Variants in SYCE2 observed in about 807,000 individuals in gnomAD.
SYCE2 encodes central element synaptonemal complex 1.
Under a neutral mutation model 27.9 loss-of-function variants are expected in SYCE2, and 3 were observed. The observed-to-expected ratio is 0.11, with a 90% CI of 0.05 to 0.28. SYCE2 has a LOEUF of 0.28. Ranked by LOEUF, SYCE2 falls within the 10% of genes least tolerant of loss-of-function variation. The probability of loss-of-function intolerance (pLI) is 1.00; values close to 1 mark genes in which losing one functional copy is unlikely to be tolerated. For missense variants in SYCE2, 207 were observed against 263.5 expected, an observed-to-expected ratio of 0.79 and a Z score of 1.48; for synonymous variants, 85 against 100.7, an observed-to-expected ratio of 0.84 and a Z score of 0.93.
At chr19:12,909,628 G>A (rs1006447678) in intron 2 of SYCE2, among the ~76,000 whole-genome samples, 1 of 151,720 alleles carries the variant, frequency 6.6e-6, no homozygotes, top group Admixed American at 6.6e-5. Flanking sequence ...GTGCAATGGC[G>A]CGATCTCGGC....
chr19:12,919,197 T>G, intron 1 of SYCE2, 46 bp downstream of exon 1: 3 of 1,606,974 alleles, frequency 1.9e-6, no homozygotes, highest in African/African-American at 1.3e-5. Context: ...TCCCTGCCTA[T>G]CTGTCCGCCC....
chr19:12,899,756 C>T (rs776377648), intron 5 of SYCE2: 1 of 1,609,136 alleles, frequency 6.2e-7, no homozygotes. Context: ...CGTCTCAATC[C>T]ACTTTTAACC....
In SYCE2 at chr19:12,899,292, C is replaced by G. The variant is rs1489225377; in HGVS notation, c.*49G>C. ...CAGTGTGGCCCAAATGGTGGCCTCA[C>G]AGTCTTCTCCTGGAGACTGTCACTA... On this transcript the variant is annotated 3_prime_UTR_variant, in exon 6 of 6. Transcript: ENST00000293695. The G allele has an allele frequency of 9.9e-6, 15 of 1,520,448 alleles. No individual in the cohort carries two copies. The highest frequency in any genetic ancestry group is 1.4e-5 in the Non-Finnish European group (15 of 1,094,842). 94.2% of individuals were successfully genotyped at this position (1,520,448 alleles called of 1,614,324 possible). A position where few individuals can be genotyped will look rare whatever the true frequency, so the allele number is the denominator to read the frequency against.
intron 2 of SYCE2, among the ~76,000 whole-genome samples, chr19:12,912,094 C>T (rs1158625031): frequency 6.7e-6 from 1 of 149,344 alleles, no homozygotes; most frequent in Non-Finnish European, 1.5e-5. Flanking sequence ...CCCACCACTG[C>T]ACCCAGCTAA....
intron 2 of SYCE2, among the ~76,000 whole-genome samples, chr19:12,908,137 T>C (rs1970972473): frequency 6.6e-6 from 1 of 151,914 alleles, no homozygotes; most frequent in Non-Finnish European, 1.5e-5. Context: ...TGAGACCCTG[T>C]TTCAAACAAA....
At chr19:12,912,418 C>G (rs1294851072) in intron 2 of SYCE2, among the ~76,000 whole-genome samples, 2 of 152,126 alleles carry the variant, frequency 1.3e-5, no homozygotes, top group Admixed American at 6.6e-5. Flanking sequence ...ACAAAGCTGC[C>G]AAAGTTTATG....
rs933349098 is a variant in SYCE2 at position 12,902,900 on chromosome 19, TTTTG to T, written c.306+1588_306+1591del. Among the ~76,000 whole-genome samples, 446 of 151,200 alleles carry T rather than the reference TTTTG, an allele frequency of 2.9e-3. 2 individuals carry two copies. The highest frequency in any genetic ancestry group is 2.8e-3 in the Non-Finnish European group (191 of 67,900). On this transcript the variant is annotated intron_variant, in intron 3 of 5. Transcript: ENST00000293695. Reference sequence around the variant, plus strand: ...TCCCACTCATGTGACCCATTATGTATTTTGTTTGTTTGTTTGTTTGCTGGAATTA... The same window carrying T: ...TCCCACTCATGTGACCCATTATGTATTTTGTTTGTTTGTTTGCTGGAATTA...
chr19:12,917,785 G>A (rs1257740332), intron 2 of SYCE2, among the ~76,000 whole-genome samples: 1 of 149,484 alleles, frequency 6.7e-6, no homozygotes, highest in Non-Finnish European at 1.5e-5. Flanking sequence ...TCAGCCTCCT[G>A]AGTAGCTGGG....
At chr19:12,905,070 A>T (rs1336394637) in intron 2 of SYCE2, among the ~76,000 whole-genome samples, 1 of 151,402 alleles carries the variant, frequency 6.6e-6, no homozygotes, top group African/African-American at 2.4e-5. Context: ...GATCTGAGAG[A>T]GATCAGGTGG....
At chr19:12,910,708 C>T (rs1186783896) in intron 2 of SYCE2, among the ~76,000 whole-genome samples, 4 of 150,950 alleles carry the variant, frequency 2.6e-5, no homozygotes, top group African/African-American at 9.8e-5. Flanking sequence ...GATGGAGTCT[C>T]GCTCTGTCCC....
intron 1 of SYCE2, among the ~76,000 whole-genome samples, chr19:12,918,973 G>T (rs1397502074): frequency 6.6e-6 from 1 of 150,464 alleles, no homozygotes; most frequent in East Asian, 1.9e-4. Flanking sequence ...AAAAAGAAAT[G>T]AAAGAAACGG....
intron 2 of SYCE2, among the ~76,000 whole-genome samples, chr19:12,913,160 A>G (rs1156991986): frequency 6.6e-6 from 1 of 152,192 alleles, no homozygotes. Context: ...GGGGGCTGTG[A>G]ACACAGCGCT....
intron 2 of SYCE2, among the ~76,000 whole-genome samples, chr19:12,917,187 T>C (rs12971339): frequency 0.65 from 97,958 of 151,322 alleles, 31,976 homozygotes; most frequent in East Asian, 0.85. Context: ...GCCTCAGCCT[T>C]CTGAGTAGCT....
chr19:12,900,183 G>T, intron 4 of SYCE2, 63 bp from the exon 5 acceptor site: 1 of 1,546,290 alleles, frequency 6.5e-7, no homozygotes, highest in South Asian at 1.2e-5. Flanking sequence ...CAGAGGGGAT[G>T]ATTTCTGAGT....
rs1183641678 is a variant in SYCE2, at chr19:12,911,665, T to C, written c.131+6557A>G. ...CGAGGTCTCGCTCAGCTGCCCAGGA[T>C]GGAGTGCAGTGCCACGATCTCGGCT... On this transcript the variant is annotated intron_variant, in intron 2 of 5. Coordinates refer to ENST00000293695, the MANE Select transcript of SYCE2 (RefSeq NM_001105578.2). Among the ~76,000 whole-genome samples, 15 of 140,798 alleles carry C rather than the reference T, an allele frequency of 1.1e-4. No homozygotes were observed. In the South Asian group the frequency reaches 2.3e-3, roughly 21 times the overall value. The allele number at this position is 140,798 out of a possible 152,430, so 92.4% of individuals were successfully genotyped here.
chr19:12,917,565 G>T (rs952057836), intron 2 of SYCE2, among the ~76,000 whole-genome samples: 2 of 145,330 alleles, frequency 1.4e-5, no homozygotes, highest in African/African-American at 5.1e-5. Flanking sequence ...GTTTCATCAT[G>T]TTAGCCAGGA....
intron 2 of SYCE2, chr19:12,913,904 C>G (rs990273579): frequency 6.6e-6 from 1 of 152,240 alleles, no homozygotes; most frequent in Non-Finnish European, 1.5e-5. Flanking sequence ...TGCTTTCCAG[C>G]AGAGGAATGT....
chr19:12,899,425 A>G, intron 5 of SYCE2, 40 bp from the exon 6 acceptor site: 2 of 1,614,052 alleles, frequency 1.2e-6, no homozygotes, highest in Non-Finnish European at 1.7e-6. Flanking sequence ...GGAAGTTGTG[A>G]GCTATGAAAA....
chr19:12,909,740 A>G (rs1431337960), intron 2 of SYCE2, among the ~76,000 whole-genome samples: 1 of 147,166 alleles, frequency 6.8e-6, no homozygotes, highest in Non-Finnish European at 1.5e-5. Flanking sequence ...CGAATTTTGT[A>G]TTTTTAGTAG....
Sources: gnomAD v4.1 joint callset for allele counts (sites outside exome capture counted in the v4.1 genomes callset) on GRCh38, gnomAD v4.1.1 for gene constraint, MANE v1.5 for transcripts, NCBI Gene and HGNC (gene_info 2026-07-23, HGNC 2026-07-21) for gene names.